The following WDR19 variants were observed in gnomAD, a reference collection of about 807,000 sequenced individuals.
The protein encoded by WDR19 is WD repeat-containing protein 19.
In WDR19, 121 loss-of-function variants were observed where a neutral mutation model predicts 180.0. That is an observed-to-expected ratio of 0.67 (90% CI 0.58 to 0.78). WDR19 has a LOEUF of 0.78. WDR19 is among the 30% of genes least tolerant of loss of function. The probability of loss-of-function intolerance (pLI) is 0.00; values close to 1 mark genes in which losing one functional copy is unlikely to be tolerated. For missense variants in WDR19, 1,450 were observed against 1,640.7 expected (o/e 0.88, Z 2.01); for synonymous variants, 497 against 540.7 (o/e 0.92, Z 1.12).
At chr4:39,246,640 G>A (rs1017463857) in intron 24 of WDR19, among the ~76,000 whole-genome samples, 3 of 152,174 alleles carry the variant, frequency 2.0e-5, no homozygotes, top group Admixed American at 6.5e-5. Flanking sequence ...CCGTAAAATC[G>A]GGTCACTCCC....
chr4:39,218,299 G>A (rs1729292881), intron 14 of WDR19, 194 bp downstream of exon 14: 18 of 717,972 alleles, frequency 2.5e-5, no homozygotes, highest in Non-Finnish European at 1.5e-5. Flanking sequence ...GTGTCATTGG[G>A]CAATTTCATC....
At chr4:39,199,815 T>C (rs1727188991) in intron 6 of WDR19, among the ~76,000 whole-genome samples, 9 of 152,242 alleles carry the variant, frequency 5.9e-5, no homozygotes, top group Admixed American at 5.9e-4. Context: ...TATATTTCCC[T>C]TCCGTATTAA....
chr4:39,251,545 A>G (rs1467467821), intron 24 of WDR19, among the ~76,000 whole-genome samples: 1 of 152,228 alleles, frequency 6.6e-6, no homozygotes, highest in African/African-American at 2.4e-5. Context: ...TCTGCACAGC[A>G]AAAGAAACCA....
intron 28 of WDR19, among the ~76,000 whole-genome samples, chr4:39,258,217 A>G (rs539722031): frequency 7.9e-5 from 12 of 152,094 alleles, no homozygotes; most frequent in African/African-American, 2.9e-4. Context: ...CAGTGGTGCA[A>G]TCTCGGCTCA....
intron 33 of WDR19, among the ~76,000 whole-genome samples, chr4:39,276,549 G>A (rs1279431989): frequency 6.6e-6 from 1 of 152,188 alleles, no homozygotes; most frequent in Non-Finnish European, 1.5e-5. Context: ...CGCACTACCC[G>A]TATTTCAAGT....
At chr4:39,267,187 G>A (rs1332773214) in intron 29 of WDR19, among the ~76,000 whole-genome samples, 1 of 152,192 alleles carries the variant, frequency 6.6e-6, no homozygotes, top group Non-Finnish European at 1.5e-5. Flanking sequence ...CTGGTGAGGA[G>A]AGACCCACAC....
Position 39,205,755 on chromosome 4 carries a change from T to A in WDR19, c.890+19T>A, listed in dbSNP as rs745976180. ...ATAACTGGTAAGTTATTTTCACATA[T>A]TTTTAGGAAAGCTTATATAGTAAAT... On this transcript the variant is annotated intron_variant, in intron 9 of 36. Coordinates refer to ENST00000399820, the MANE Select transcript of WDR19 (RefSeq NM_025132.4). 4.7e-5 allele frequency: 73 copies of A among 1,567,628 alleles called. 2 individuals carry two copies. In the South Asian group the frequency reaches 8.4e-4, roughly 18 times the overall value.
At chr4:39,199,731 C>T (rs1468691059) in intron 6 of WDR19, 138 bp downstream of exon 6, 6 of 583,770 alleles carry the variant, frequency 1.0e-5, no homozygotes, top group Non-Finnish European at 1.4e-5. Context: ...TACACAATAA[C>T]TTCAAAAACC....
At chr4:39,265,108 A>G (rs2109479634) in intron 28 of WDR19, among the ~76,000 whole-genome samples, 1 of 151,828 alleles carries the variant, frequency 6.6e-6, no homozygotes, top group African/African-American at 2.4e-5. Context: ...TAGGAGAGAT[A>G]GGATCTCGTC....
chr4:39,262,830 T>C (rs1003280660), intron 28 of WDR19, among the ~76,000 whole-genome samples: 2 of 152,196 alleles, frequency 1.3e-5, no homozygotes, highest in Non-Finnish European at 2.9e-5. Context: ...CACTCAGTAT[T>C]TGTTGAATTG....
At chr4:39,267,421 C>T (rs1420785443) in intron 29 of WDR19, among the ~76,000 whole-genome samples, 2 of 152,170 alleles carry the variant, frequency 1.3e-5, no homozygotes, top group East Asian at 1.9e-4. Flanking sequence ...TCAACTGCTC[C>T]AGCCACCTCC....
intron 6 of WDR19, among the ~76,000 whole-genome samples, chr4:39,201,166 G>A (rs574527215): frequency 6.6e-6 from 1 of 152,060 alleles, no homozygotes; most frequent in South Asian, 2.1e-4. Flanking sequence ...CGAGTCTCAG[G>A]TTCCTTCCAT....
chr4:39,270,567 G>A (rs1028428850), intron 31 of WDR19, among the ~76,000 whole-genome samples: 4 of 151,962 alleles, frequency 2.6e-5, no homozygotes, highest in Admixed American at 2.0e-4. Context: ...TAGTAGATAT[G>A]GGGTTTCACC....
At position 39,224,965 on chromosome 4, in the gene WDR19, T is replaced by C. The variant is rs1288227814; in HGVS notation, c.1561T>C (p.Phe521Leu). The change falls in exon 15 of 37, where the codon TTT (phenylalanine) becomes CTT (leucine). Residue 521 changes from phenylalanine to leucine, a missense_variant. Physicochemically the swap from Phe to Leu is conservative, Grantham distance 22 (BLOSUM62 0). Coordinates refer to ENST00000399820, the MANE Select transcript of WDR19 (RefSeq NM_025132.4). The stretch of plus-strand genomic sequence containing the variant: ...ACATCCTGTCAGTGTGAAAAAGATT[T>C]TTCCCGACCCAAATGGGACCAGATT... ...YRHPVSVKKI[F>L]PDPNGTRLVF... is the part of the protein sequence containing the mutation. 2 of 1,580,202 alleles carry C rather than the reference T, an allele frequency of 1.3e-6. No individual in the cohort carries two copies. The highest frequency in any genetic ancestry group is 1.7e-6 in the Non-Finnish European group (2 of 1,161,622).
chr4:39,273,813 C>T (rs955553234), intron 32 of WDR19: 8 of 152,200 alleles, frequency 5.3e-5, no homozygotes, highest in Non-Finnish European at 8.8e-5. Flanking sequence ...TTCACAAGCA[C>T]GGTAGGACGT....
intron 20 of WDR19, among the ~76,000 whole-genome samples, chr4:39,238,924 G>A (rs1731629581): frequency 6.6e-6 from 1 of 152,016 alleles, no homozygotes; most frequent in Admixed American, 6.6e-5. Flanking sequence ...AATAATAAAA[G>A]TCTTCTGTAT....
At chr4:39,275,396 T>A in intron 33 of WDR19, 1 of 238,454 alleles carries the variant, frequency 4.2e-6, no homozygotes, top group Non-Finnish European at 8.3e-6. Context: ...GCTCTAAGCA[T>A]CAGAAAACCT....
intron 27 of WDR19, among the ~76,000 whole-genome samples, chr4:39,257,264 T>C (rs1197082059): frequency 6.6e-6 from 1 of 152,232 alleles, no homozygotes. Flanking sequence ...TTTCATTTCA[T>C]CAGGACTAGA....
At chr4:39,185,899 G>C (rs1370918858) in intron 2 of WDR19, 82 bp downstream of exon 2, 1 of 797,296 alleles carries the variant, frequency 1.3e-6, no homozygotes, top group Non-Finnish European at 1.7e-6. Flanking sequence ...TTTTTTTGTT[G>C]TTGTTTTTTT....
Sources: gnomAD v4.1 joint callset for allele counts (sites outside exome capture counted in the v4.1 genomes callset) on GRCh38, gnomAD v4.1.1 for gene constraint, MANE v1.5 for transcripts, NCBI Gene and HGNC (gene_info 2026-07-23, HGNC 2026-07-21) for gene names.